ADRA1A: variants seen among roughly 807,000 people sequenced by gnomAD.
The protein encoded by ADRA1A is alpha-1A adrenergic receptor.
Under a neutral mutation model 29.6 loss-of-function variants are expected in ADRA1A, and 31 were observed. The ratio of observed to expected loss-of-function variants is 1.05; its 90% CI spans 0.79 to 1.41. The LOEUF is 1.41. Among genes scored for constraint, ADRA1A ranks in the 40% most tolerant of loss-of-function variants. ADRA1A has a pLI of 0.00. For missense variants in ADRA1A, 619 were observed against 601.1 expected, an observed-to-expected ratio of 1.03 and a Z score of -0.31; for synonymous variants, 311 against 254.3, an observed-to-expected ratio of 1.22 and a Z score of -2.12.
chr8:26,850,792 C>G (rs1812575088), intron 2 of ADRA1A, among the ~76,000 whole-genome samples: 1 of 152,156 alleles, frequency 6.6e-6, no homozygotes. Flanking sequence ...GCACATGGCC[C>G]TTGCTTATAT....
At position 26,768,925 on chromosome 8, in the gene ADRA1A, T is replaced by C. The variant is rs1805941058; in HGVS notation, c.*1224A>G. On this transcript the variant is annotated 3_prime_UTR_variant, in exon 3 of 3. Coordinates refer to ENST00000380573, the MANE Select transcript of ADRA1A (RefSeq NM_000680.4). ...TGAAGTTGAGTTGACTACTGGATCT[T>C]TTACCAGAACAAATGGCCTTCTATC... 2.0e-6 allele frequency: 2 copies of C among 985,336 alleles called. No individual in the cohort carries two copies. The highest frequency in any genetic ancestry group is 3.5e-5 in the African/African-American group (2 of 57,248). 61.0% of individuals were successfully genotyped at this position (985,336 alleles called of 1,614,324 possible).
downstream of ADRA1A, among the ~76,000 whole-genome samples, chr8:26,756,103 A>T (rs940452042): frequency 2.7e-4 from 41 of 152,362 alleles, no homozygotes; most frequent in African/African-American, 9.6e-4. Context: ...CTTTAAAGCA[A>T]ATTGCAAACA....
intron 2 of ADRA1A, among the ~76,000 whole-genome samples, chr8:26,845,086 A>G (rs1812101322): frequency 6.6e-6 from 1 of 152,216 alleles, no homozygotes; most frequent in Non-Finnish European, 1.5e-5. Context: ...GAAAAAGTAG[A>G]TAAATTGGAT....
At chr8:26,857,470 C>A (rs1042414811) in intron 2 of ADRA1A, among the ~76,000 whole-genome samples, 1 of 152,004 alleles carries the variant, frequency 6.6e-6, no homozygotes, top group African/African-American at 2.4e-5. Context: ...AGCTCAAGAC[C>A]AGCCTGGACA....
chr8:26,838,801 C>T (rs1033897273), intron 2 of ADRA1A, among the ~76,000 whole-genome samples: 1 of 152,182 alleles, frequency 6.6e-6, no homozygotes, highest in African/African-American at 2.4e-5. Context: ...AGATGTGGAT[C>T]CATTCCTTAC....
chr8:26,857,991 A>C (rs1176982813), intron 2 of ADRA1A, among the ~76,000 whole-genome samples: 1 of 152,224 alleles, frequency 6.6e-6, no homozygotes, highest in African/African-American at 2.4e-5. Flanking sequence ...GTATATGTTC[A>C]ATGAAACTGC....
At chr8:26,758,072 C>T (rs1805294952) in intron 2 of ADRA1A, among the ~76,000 whole-genome samples, 1 of 152,114 alleles carries the variant, frequency 6.6e-6, no homozygotes, top group Admixed American at 6.5e-5. Context: ...GTGTAGTTTG[C>T]CTGATTTTTA....
chr8:26,819,683 T>C (rs1810020318), intron 2 of ADRA1A, among the ~76,000 whole-genome samples: 1 of 151,968 alleles, frequency 6.6e-6, no homozygotes, highest in Non-Finnish European at 1.5e-5. Flanking sequence ...TAAAGAAACA[T>C]TGTAATATAG....
intron 2 of ADRA1A, chr8:26,853,935 A>G (rs1468046443): frequency 6.6e-6 from 1 of 152,216 alleles, no homozygotes; most frequent in African/African-American, 2.4e-5. Context: ...ATGTATAAGG[A>G]TTATAATATT....
intron 2 of ADRA1A, among the ~76,000 whole-genome samples, chr8:26,777,019 CCTT>C (rs1217521326): frequency 6.6e-6 from 1 of 152,148 alleles, no homozygotes; most frequent in Non-Finnish European, 1.5e-5. Flanking sequence ...CCCAATGGCT[CCTT>C]CTTACCAGGA....
intron 2 of ADRA1A, among the ~76,000 whole-genome samples, chr8:26,852,110 A>G (rs1310757742): frequency 1.3e-5 from 2 of 152,206 alleles, no homozygotes; most frequent in African/African-American, 2.4e-5. Context: ...ATGATTTTCA[A>G]ATGAACAAAC....
chr8:26,815,095 G>A lies in ADRA1A; in HGVS notation c.884-44429C>T, dbSNP rs192217214. Among the ~76,000 whole-genome samples the A allele has an allele frequency of 1.5e-3, 221 of 151,918 alleles. 1 individual carries two copies. The highest frequency in any genetic ancestry group is 6.8e-3 in the Middle Eastern group (2 of 294). Reference sequence around the variant, plus strand: ...AAAAACATGTTTTATTTCTTTTATTGGTCAATATAATTTAGACGCATGGGC... The same window carrying A: ...AAAAACATGTTTTATTTCTTTTATTAGTCAATATAATTTAGACGCATGGGC... On this transcript the variant is annotated intron_variant, in intron 2 of 2. Transcript: ENST00000380573. This position sits in a 1 kb window ranked among gnomAD's most constrained non-coding sequence, Gnocchi z 4.2.
chr8:26,759,010 T>C (rs1450027050), intron 2 of ADRA1A, among the ~76,000 whole-genome samples: 1 of 152,256 alleles, frequency 6.6e-6, no homozygotes, highest in Non-Finnish European at 1.5e-5. Context: ...AAACTTTATC[T>C]TTGTAAATCA....
intron 2 of ADRA1A, among the ~76,000 whole-genome samples, chr8:26,783,992 A>G (rs28490382): frequency 1.7e-5 from 1 of 57,844 alleles, no homozygotes; most frequent in African/African-American, 1.2e-4. Flanking sequence ...CAGGGACACA[A>G]TGGGGGGAAC....
In ADRA1A at chr8:26,865,251, G is replaced by A. The variant is rs1813824230; in HGVS notation, c.-282C>T. ...CCACCTGCCGGGCTGGCCTAGCCCG[G>A]GACCCGGACTCCCTCCCTACCCGAA... On this transcript the variant is annotated 5_prime_UTR_variant, in exon 2 of 3. Transcript: ENST00000380573. The surrounding 1 kb of genome is among the most constrained non-coding windows in gnomAD (Gnocchi z 7.6). 1 of 1,284,610 alleles carries A rather than the reference G, an allele frequency of 7.8e-7. No individual in the cohort carries two copies. The highest frequency in any genetic ancestry group is 9.8e-7 in the Non-Finnish European group (1 of 1,015,382). 79.6% of individuals were successfully genotyped at this position (1,284,610 alleles called of 1,614,324 possible).
In ADRA1A at chr8:26,803,919, CTTT is replaced by C. The variant is rs34314160; in HGVS notation, c.884-33256_884-33254del. Reference sequence around the variant, plus strand: ...TGCAAAAGAATATTTTGGAAGTTTCCTTTTTTTTTTTTTTTTTTTTTTGAGATG... The same window carrying C: ...TGCAAAAGAATATTTTGGAAGTTTCCTTTTTTTTTTTTTTTTTTTGAGATG... On this transcript the variant is annotated intron_variant, in intron 2 of 2. Transcript: ENST00000380573. 4.0e-4 allele frequency among the ~76,000 whole-genome samples: 38 copies of C among 95,228 alleles called. No homozygotes were observed. In the East Asian group the frequency reaches 0.014, roughly 34 times the overall value. The allele number at this position is 95,228 out of a possible 152,430, so 62.5% of individuals were successfully genotyped here. A position where few individuals can be genotyped will look rare whatever the true frequency, so the allele number is the denominator to read the frequency against.
In ADRA1A at chr8:26,770,005, G is replaced by A. The variant is rs1422974247; in HGVS notation, c.*144C>T. 57 of 1,450,694 alleles carry A rather than the reference G, an allele frequency of 3.9e-5. No individual in the cohort carries two copies. Among genetic ancestry groups the A allele is most frequent in the Non-Finnish European group, 5.2e-5 (57 of 1,105,942 alleles). The allele number at this position is 1,450,694 out of a possible 1,614,324, so 89.9% of individuals were successfully genotyped here. A position where few individuals can be genotyped will look rare whatever the true frequency, so the allele number is the denominator to read the frequency against. On this transcript the variant is annotated 3_prime_UTR_variant, in exon 3 of 3. Coordinates refer to ENST00000380573, the MANE Select transcript of ADRA1A (RefSeq NM_000680.4). ...CCCTGTGCCCTACCCGCTGCCTGAT[G>A]AGTTGGGTCTACCACCCACCCCATT...
At chr8:26,782,317 A>G (rs983996904) in intron 2 of ADRA1A, among the ~76,000 whole-genome samples, 1 of 152,188 alleles carries the variant, frequency 6.6e-6, no homozygotes, top group Non-Finnish European at 1.5e-5. Flanking sequence ...GACATAATAC[A>G]TATATATAGG....
chr8:26,828,887 C>A (rs1055769723), intron 2 of ADRA1A, among the ~76,000 whole-genome samples: 1 of 152,100 alleles, frequency 6.6e-6, no homozygotes, highest in African/African-American at 2.4e-5. Context: ...TCATTCCAAC[C>A]CTGCCTTTCC....
Sources: allele counts gnomAD v4.1 joint callset (sites outside exome capture counted in the v4.1 genomes callset), GRCh38; gene constraint gnomAD v4.1.1; non-coding constraint Gnocchi (gnomAD v3.1); transcripts MANE v1.5; gene names NCBI Gene and HGNC (gene_info 2026-07-23, HGNC 2026-07-21).